HACE1: variants seen among roughly 807,000 people sequenced by gnomAD.
The protein encoded by HACE1 is HECT domain and ankyrin repeat containing E3 ubiquitin protein ligase 1, also known as E3 ubiquitin-protein ligase HACE1.
HACE1 carries 73 observed loss-of-function variants against 118.4 expected under a neutral mutation model. The observed-to-expected ratio is 0.62, with a 90% CI of 0.51 to 0.75. The LOEUF (loss-of-function observed/expected upper bound fraction) is 0.75. Among genes scored for constraint, HACE1 ranks in the 30% least tolerant of loss-of-function variants. HACE1 has a pLI of 0.00. For missense variants in HACE1, 749 were observed against 1,102.2 expected, an observed-to-expected ratio of 0.68 and a Z score of 4.54; for synonymous variants, 368 against 374.8, an observed-to-expected ratio of 0.98 and a Z score of 0.21.
intron 6 of HACE1, among the ~76,000 whole-genome samples, chr6:104,819,125 C>T (rs1772419388): frequency 1.3e-5 from 2 of 152,186 alleles, no homozygotes; most frequent in South Asian, 2.1e-4. Flanking sequence ...TGACATAACA[C>T]TATATTTGGA....
intron 19 of HACE1, among the ~76,000 whole-genome samples, chr6:104,768,353 A>G (rs1456952058): frequency 6.6e-6 from 1 of 152,132 alleles, no homozygotes; most frequent in Admixed American, 6.5e-5. Flanking sequence ...AGAAAAGTTC[A>G]TAACAGAATG....
Position 104,813,843 on chromosome 6 carries a change from C to T in HACE1, c.535-2450G>A, listed in dbSNP as rs1160614008. Reference sequence around the variant, plus strand: ...AAAATGAAACTCAGAATAACAAAGACAGTAAAGGGAACCAAAGAAAACAAC... The same window carrying T: ...AAAATGAAACTCAGAATAACAAAGATAGTAAAGGGAACCAAAGAAAACAAC... On this transcript the variant is annotated intron_variant, in intron 6 of 23. Transcript: ENST00000262903. 1.5e-5 allele frequency among the ~76,000 whole-genome samples: 2 copies of T among 137,308 alleles called. 1 individual carries two copies. 90.1% of individuals were successfully genotyped at this position (137,308 alleles called of 152,430 possible). A position where few individuals can be genotyped will look rare whatever the true frequency, so the allele number is the denominator to read the frequency against.
intron 19 of HACE1, among the ~76,000 whole-genome samples, chr6:104,763,725 T>C (rs9499962): frequency 0.21 from 31,685 of 152,076 alleles, 4,005 homozygotes; most frequent in African/African-American, 0.37. Flanking sequence ...GCAGGCTTTC[T>C]GTTTCCATCT....
intron 2 of HACE1, among the ~76,000 whole-genome samples, chr6:104,851,795 A>T (rs1318554169): frequency 6.6e-6 from 1 of 152,200 alleles, no homozygotes; most frequent in East Asian, 1.9e-4. Context: ...TCTTATATCA[A>T]AAAATTCAAT....
intron 19 of HACE1, among the ~76,000 whole-genome samples, chr6:104,762,226 G>A (rs180943105): frequency 1.5e-3 from 229 of 152,256 alleles, no homozygotes; most frequent in African/African-American, 5.2e-3. Flanking sequence ...TATAAATCAC[G>A]CTACTATAAA....
intron 14 of HACE1, chr6:104,780,508 T>C: frequency 3.2e-6 from 1 of 313,088 alleles, no homozygotes. Context: ...GAGGTAGTTG[T>C]TCTTTTTAAC....
chr6:104,772,135 T>A, intron 17 of HACE1, 61 bp from the exon 18 acceptor site: 1 of 937,804 alleles, frequency 1.1e-6, no homozygotes, highest in Non-Finnish European at 1.7e-6. Flanking sequence ...GAAAGATTAC[T>A]TCGATGCAGA....
chr6:104,856,319 A>T (rs1232228626), intron 1 of HACE1, among the ~76,000 whole-genome samples: 1 of 152,234 alleles, frequency 6.6e-6, no homozygotes, highest in African/African-American at 2.4e-5. Flanking sequence ...AAACACAATT[A>T]TCCCAATCAC....
intron 6 of HACE1, among the ~76,000 whole-genome samples, chr6:104,827,820 A>T (rs1294989353): frequency 1.3e-5 from 2 of 152,124 alleles, no homozygotes; most frequent in African/African-American, 4.8e-5. Context: ...TGATTTTAGT[A>T]AAAAAATGCA....
At chr6:104,778,702 G>A (rs1264930806) in intron 14 of HACE1, among the ~76,000 whole-genome samples, 6 of 152,010 alleles carry the variant, frequency 3.9e-5, no homozygotes, top group Non-Finnish European at 5.9e-5. Flanking sequence ...TCAGAAGGCT[G>A]AGGTGGGAGA....
At chr6:104,784,506 T>C (rs762837428) in intron 12 of HACE1, 21 bp from the exon 13 acceptor site, 3 of 1,556,570 alleles carry the variant, frequency 1.9e-6, no homozygotes, top group Admixed American at 3.3e-5. Flanking sequence ...AAAACATCAA[T>C]CAGAATACAC....
At chr6:104,810,856 A>G (rs1383704532) in intron 7 of HACE1, among the ~76,000 whole-genome samples, 1 of 152,112 alleles carries the variant, frequency 6.6e-6, no homozygotes, top group African/African-American at 2.4e-5. Flanking sequence ...CAGAGAAAGA[A>G]AAGACATGGC....
At chr6:104,735,316 A>G (rs1038526579) in intron 22 of HACE1, among the ~76,000 whole-genome samples, 2 of 152,176 alleles carry the variant, frequency 1.3e-5, no homozygotes, top group African/African-American at 4.8e-5. Flanking sequence ...ACAAAAAACT[A>G]TATAAAATAA....
intron 19 of HACE1, among the ~76,000 whole-genome samples, chr6:104,756,788 A>G (rs1366631441): frequency 1.3e-5 from 2 of 152,164 alleles, no homozygotes; most frequent in Non-Finnish European, 2.9e-5. Context: ...TCCCCTTCCT[A>G]GCCAAGGGAA....
Position 104,777,196 on chromosome 6 carries a change from T to C in HACE1, c.1678+10A>G. 2.5e-6 allele frequency: 4 copies of C among 1,595,430 alleles called. No individual in the cohort carries two copies. Among genetic ancestry groups the C allele is most frequent in the South Asian group, 2.2e-5 (2 of 90,708 alleles). On this transcript the variant is annotated intron_variant, in intron 15 of 23. Transcript: ENST00000262903. Reference sequence around the variant, plus strand: ...CTTCACACATATATCAGTTTCTTTGTTAAGCATACCTCTGTGAACCAGCAG... The same window carrying C: ...CTTCACACATATATCAGTTTCTTTGCTAAGCATACCTCTGTGAACCAGCAG...
At chr6:104,857,653 C>CAA (rs781772022) in intron 1 of HACE1, among the ~76,000 whole-genome samples, 4 of 127,614 alleles carry the variant, frequency 3.1e-5, no homozygotes, top group African/African-American at 5.6e-5. Context: ...TTGAAGAATA[C>CAA]AAAAAAAAAA....
chr6:104,841,672 T>C (rs994776508), intron 5 of HACE1, among the ~76,000 whole-genome samples: 1 of 152,206 alleles, frequency 6.6e-6, no homozygotes, highest in African/African-American at 2.4e-5. Context: ...CATAAAGGCC[T>C]TGAAAACCAG....
intron 14 of HACE1, among the ~76,000 whole-genome samples, chr6:104,781,386 T>C (rs1381988326): frequency 6.6e-6 from 1 of 152,156 alleles, no homozygotes; most frequent in Admixed American, 6.5e-5. Context: ...TATTTTATAC[T>C]TTCCCTGATC....
At chr6:104,796,848 T>C (rs1014080947) in intron 8 of HACE1, 81 bp downstream of exon 8, 10 of 1,103,642 alleles carry the variant, frequency 9.1e-6, no homozygotes, top group African/African-American at 7.8e-5. Flanking sequence ...CACCTACCCT[T>C]TCATTGAAAA....
Sources: gnomAD v4.1 joint callset for allele counts (sites outside exome capture counted in the v4.1 genomes callset) on GRCh38, gnomAD v4.1.1 for gene constraint, MANE v1.5 for transcripts, NCBI Gene and HGNC (gene_info 2026-07-23, HGNC 2026-07-21) for gene names.